PRKCA: variants seen among roughly 807,000 people sequenced by gnomAD.
The protein encoded by PRKCA is protein kinase C alpha type.
PRKCA carries 27 observed loss-of-function variants against 87.0 expected under a neutral mutation model. That is an observed-to-expected ratio of 0.31 (90% CI 0.23 to 0.43). The LOEUF (loss-of-function observed/expected upper bound fraction) is 0.43, where lower values mean the gene tolerates loss of function less well. Among genes scored for constraint, PRKCA ranks in the 20% least tolerant of loss-of-function variants. The pLI is 1.00. For missense variants in PRKCA, 518 were observed against 852.3 expected (o/e 0.61, Z 4.88); for synonymous variants, 329 against 311.1 (o/e 1.06, Z -0.61).
At chr17:66,348,251 T>G (rs186617120) in intron 2 of PRKCA, among the ~76,000 whole-genome samples, 4 of 152,192 alleles carry the variant, frequency 2.6e-5, no homozygotes, top group African/African-American at 9.6e-5. Context: ...CCAGAATCAA[T>G]AATTGTTAAT....
chr17:66,650,298 G>T lies in PRKCA; in HGVS notation c.529+4787G>T, dbSNP rs559433320. On this transcript the variant is annotated intron_variant, in intron 5 of 16. Transcript: ENST00000413366. ...TATGGGAAAGCCCCGAGCTTTGGTGGTGTATTTTTATTTTTTGCCTTTGGG... is the reference window on the plus strand; with the variant it reads ...TATGGGAAAGCCCCGAGCTTTGGTGTTGTATTTTTATTTTTTGCCTTTGGG... 2.4e-4 allele frequency among the ~76,000 whole-genome samples: 37 copies of T among 152,200 alleles called. No homozygotes were observed. The South Asian group carries it at 7.5e-3, about 31-fold the overall frequency.
At chr17:66,694,856 A>G (rs1275550066) in intron 8 of PRKCA, among the ~76,000 whole-genome samples, 1 of 146,668 alleles carries the variant, frequency 6.8e-6, no homozygotes, top group Non-Finnish European at 1.5e-5. Context: ...TGTCATTTGC[A>G]TTTCATTTCC....
intron 7 of PRKCA, among the ~76,000 whole-genome samples, chr17:66,688,669 G>A (rs145018351): frequency 5.3e-5 from 8 of 152,096 alleles, no homozygotes; most frequent in African/African-American, 1.9e-4. Context: ...CAGGTGTGGT[G>A]GTGTACCCCT....
At chr17:66,579,577 G>A (rs1483357928) in intron 3 of PRKCA, among the ~76,000 whole-genome samples, 1 of 152,164 alleles carries the variant, frequency 6.6e-6, no homozygotes, top group Non-Finnish European at 1.5e-5. Context: ...AGAGGCCAGT[G>A]GGCATGCCTG....
rs1481506982 is a variant in PRKCA at position 66,803,286 on chromosome 17, G to A, written c.1855-587G>A. Among the ~76,000 whole-genome samples the A allele has an allele frequency of 1.3e-5, 2 of 152,148 alleles. No individual in the cohort carries two copies. The highest frequency in any genetic ancestry group is 1.9e-4 in the East Asian group (1 of 5,186). On this transcript the variant is annotated intron_variant, in intron 16 of 16. Transcript: ENST00000413366. The surrounding 1 kb of genome is among the most constrained non-coding windows in gnomAD (Gnocchi z 4.4). ...GTCTAGGTGTGCTAAATCCTAGCTG[G>A]GCCAGGTGCAAATCTCCCAGCCTTG... is the stretch of plus-strand genomic sequence containing the variant.
chr17:66,643,462 A>G (rs1161924642), intron 4 of PRKCA, among the ~76,000 whole-genome samples: 5 of 152,254 alleles, frequency 3.3e-5, no homozygotes, highest in Admixed American at 3.3e-4. Context: ...GAATGTCTTT[A>G]TAATAAATAA....
At chr17:66,507,469 G>T (rs1466377051) in intron 3 of PRKCA, among the ~76,000 whole-genome samples, 1 of 152,198 alleles carries the variant, frequency 6.6e-6, no homozygotes, top group Non-Finnish European at 1.5e-5. Context: ...GGAGTCTGGG[G>T]TCATTGTGAC....
At chr17:66,699,510 G>A (rs1973011291) in intron 8 of PRKCA, among the ~76,000 whole-genome samples, 1 of 152,232 alleles carries the variant, frequency 6.6e-6, no homozygotes, top group African/African-American at 2.4e-5. Flanking sequence ...GGCCAATAAT[G>A]AGTAAGGAGG....
intron 13 of PRKCA, among the ~76,000 whole-genome samples, chr17:66,744,576 G>A (rs950037897): frequency 6.6e-6 from 1 of 152,176 alleles, no homozygotes; most frequent in Admixed American, 6.5e-5. Context: ...GAACAACAGT[G>A]TCCAGTAGAG....
At chr17:66,459,083 G>C (rs536102318) in intron 2 of PRKCA, among the ~76,000 whole-genome samples, 1 of 151,974 alleles carries the variant, frequency 6.6e-6, no homozygotes, top group African/African-American at 2.4e-5. Context: ...AAAAAAAAAA[G>C]GGATAATGAT....
chr17:66,631,450 C>T (rs1341432819), intron 3 of PRKCA, among the ~76,000 whole-genome samples: 5 of 152,070 alleles, frequency 3.3e-5, no homozygotes, highest in Non-Finnish European at 7.4e-5. Context: ...CTATGTTGCC[C>T]AGGCTGAAGT....
chr17:66,698,352 G>A (rs1344151128), intron 8 of PRKCA, among the ~76,000 whole-genome samples: 1 of 152,062 alleles, frequency 6.6e-6, no homozygotes, highest in Non-Finnish European at 1.5e-5. Flanking sequence ...AGAGGATACA[G>A]ACAACAAAAT....
rs1973399060 is a variant in PRKCA, at chr17:66,713,738, A to G, written c.919-18950A>G. On this transcript the variant is annotated intron_variant, in intron 8 of 16. Transcript: ENST00000413366. ...GGCTTCCTTGGCTTGGTCATGAGCTAATCTTTACCTTGTGGCTTTTTCTGA... is the reference window on the plus strand; with the variant it reads ...GGCTTCCTTGGCTTGGTCATGAGCTGATCTTTACCTTGTGGCTTTTTCTGA... 2.0e-5 allele frequency among the ~76,000 whole-genome samples: 3 copies of G among 152,252 alleles called. No homozygotes were observed. The South Asian group carries it at 6.2e-4, about 32-fold the overall frequency.
At chr17:66,355,355 C>T (rs1035523057) in intron 2 of PRKCA, among the ~76,000 whole-genome samples, 1 of 152,120 alleles carries the variant, frequency 6.6e-6, no homozygotes, top group East Asian at 1.9e-4. Context: ...GAGACTTAAC[C>T]TGTACATTTC....
At chr17:66,674,422 A>G (rs1331973695) in intron 5 of PRKCA, among the ~76,000 whole-genome samples, 1 of 152,236 alleles carries the variant, frequency 6.6e-6, no homozygotes, top group Non-Finnish European at 1.5e-5. Context: ...GTAGGGGTTC[A>G]AAATAACTAA....
chr17:66,491,255 A>AG (rs1340763811), intron 2 of PRKCA, among the ~76,000 whole-genome samples: 2 of 152,016 alleles, frequency 1.3e-5, no homozygotes, highest in Non-Finnish European at 2.9e-5. Flanking sequence ...TGGAAGCTGC[A>AG]GGATAGCATC....
At chr17:66,630,143 C>T (rs973958726) in intron 3 of PRKCA, among the ~76,000 whole-genome samples, 1 of 152,080 alleles carries the variant, frequency 6.6e-6, no homozygotes, top group Middle Eastern at 3.2e-3. Context: ...GTAGTCAGTA[C>T]CCCCAATTGA....
chr17:66,657,296 C>T (rs1246570769), intron 5 of PRKCA, among the ~76,000 whole-genome samples: 2 of 152,172 alleles, frequency 1.3e-5, no homozygotes, highest in African/African-American at 4.8e-5. Flanking sequence ...CTTTTCAAAC[C>T]AAAGCAGGCA....
chr17:66,741,835 G>A (rs1302438276), intron 12 of PRKCA, 114 bp downstream of exon 12: 3 of 1,084,860 alleles, frequency 2.8e-6, no homozygotes, highest in Non-Finnish European at 4.0e-6. Context: ...TCCCCAGGAG[G>A]AACAGAGACC....
Sources: allele counts gnomAD v4.1 joint callset (sites outside exome capture counted in the v4.1 genomes callset), GRCh38; gene constraint gnomAD v4.1.1; non-coding constraint Gnocchi (gnomAD v3.1); transcripts MANE v1.5; gene names NCBI Gene and HGNC (gene_info 2026-07-23, HGNC 2026-07-21).